Variants in MMRN1 observed in about 807,000 individuals in gnomAD.
MMRN1 encodes multimerin-1.
A neutral mutation model predicts 100.7 loss-of-function variants in MMRN1; 94 were observed. The ratio of observed to expected loss-of-function variants is 0.93; its 90% CI spans 0.79 to 1.11. MMRN1 has a LOEUF of 1.11. Among genes scored for constraint, MMRN1 ranks in the 50% least tolerant of loss-of-function variants. The probability of loss-of-function intolerance (pLI) is 0.00; values close to 1 mark genes in which losing one functional copy is unlikely to be tolerated. For synonymous variants in MMRN1, 575 were observed against 505.0 expected, an observed-to-expected ratio of 1.14 and a Z score of -1.86; for missense variants, 1,606 against 1,439.1, an observed-to-expected ratio of 1.12 and a Z score of -1.88.
At chr4:89,916,919 C>T (rs1469629983) in intron 3 of MMRN1, among the ~76,000 whole-genome samples, 1 of 151,720 alleles carries the variant, frequency 6.6e-6, no homozygotes, top group East Asian at 1.9e-4. Context: ...TCTTCATTTG[C>T]TTCCTTTCTA....
At chr4:89,881,379 C>T (rs1418639701) in intron 1 of MMRN1, among the ~76,000 whole-genome samples, 2 of 151,898 alleles carry the variant, frequency 1.3e-5, no homozygotes, top group African/African-American at 2.4e-5. Flanking sequence ...AGAATGTGGC[C>T]GTTTTCTAGT....
intron 6 of MMRN1, among the ~76,000 whole-genome samples, chr4:89,943,656 C>A (rs144919227): frequency 6.6e-6 from 1 of 152,238 alleles, no homozygotes; most frequent in East Asian, 1.9e-4. Context: ...GAAAGCAAGG[C>A]TCTGGCTCAG....
chr4:89,937,207 T>C (rs919146807), intron 6 of MMRN1, among the ~76,000 whole-genome samples: 1 of 152,112 alleles, frequency 6.6e-6, no homozygotes, highest in Non-Finnish European at 1.5e-5. Context: ...ACCTGTTGAA[T>C]GATCATCTGA....
chr4:89,947,624 A>G (rs1255181913), intron 6 of MMRN1, among the ~76,000 whole-genome samples: 1 of 152,156 alleles, frequency 6.6e-6, no homozygotes, highest in Non-Finnish European at 1.5e-5. Context: ...ACAACTTTGG[A>G]GCATCAGGCA....
At chr4:89,881,498 T>G (rs935576944) in intron 1 of MMRN1, among the ~76,000 whole-genome samples, 3 of 152,072 alleles carry the variant, frequency 2.0e-5, no homozygotes, top group Non-Finnish European at 4.4e-5. Context: ...TTGTATGAAT[T>G]CTAATGTGTG....
chr4:89,945,254 C>CT (rs1722952251), intron 6 of MMRN1, among the ~76,000 whole-genome samples: 1 of 151,984 alleles, frequency 6.6e-6, no homozygotes, highest in Non-Finnish European at 1.5e-5. Context: ...GTTGAAGGAT[C>CT]TTTTTTTGGT....
In MMRN1 at chr4:89,904,052, A is replaced by G. The variant is rs570177787; in HGVS notation, c.624-5224A>G. Among the ~76,000 whole-genome samples, 9 of 151,816 alleles carry G rather than the reference A, an allele frequency of 5.9e-5. No homozygotes were observed. The East Asian group carries it at 1.2e-3, about 20-fold the overall frequency. On this transcript the variant is annotated intron_variant, in intron 1 of 7. Coordinates refer to ENST00000264790, the MANE Select transcript of MMRN1 (RefSeq NM_007351.3). ...TTCTGATCTACGAGGTGAAAAAAGC[A>G]TGTATTGATGACAACTCTGATGTTG...
rs561324488 is a variant in MMRN1 at position 89,909,431 on chromosome 4, G to T, written c.743+36G>T. The stretch of plus-strand genomic sequence containing the variant: ...TTTCTTGAAAATAGCCACTGTTTTT[G>T]CACCATAATAAATTATAGCCGGGAA... On this transcript the variant is annotated intron_variant, in intron 2 of 7. Transcript: ENST00000264790. 1.2e-5 allele frequency: 20 copies of T among 1,603,428 alleles called. No individual in the cohort carries two copies. In the East Asian group the frequency reaches 4.1e-4, roughly 33 times the overall value.
intron 1 of MMRN1, among the ~76,000 whole-genome samples, chr4:89,885,253 G>A (rs987669950): frequency 1.3e-5 from 2 of 151,220 alleles, no homozygotes; most frequent in Non-Finnish European, 2.9e-5. Flanking sequence ...TGACTTCTGA[G>A]TGTAAATCAA....
chr4:89,951,236 A>G (rs1020231457), intron 6 of MMRN1, among the ~76,000 whole-genome samples: 2 of 152,166 alleles, frequency 1.3e-5, no homozygotes, highest in Non-Finnish European at 2.9e-5. Flanking sequence ...AGCACCATGT[A>G]TCGAACAGAT....
In MMRN1 at chr4:89,939,755, G is replaced by C. The variant is rs113264776; in HGVS notation, c.3118+2957G>C. On this transcript the variant is annotated intron_variant, in intron 6 of 7. Transcript: ENST00000264790. ...CATGCATCATATGTTCTTCAGTCTG[G>C]CCATATCTGAATATTCCATATGGCT... 5.3e-3 allele frequency among the ~76,000 whole-genome samples: 804 copies of C among 152,190 alleles called. 6 individuals carry two copies. The highest frequency in any genetic ancestry group is 0.019 in the African/African-American group (776 of 41,526).
chr4:89,953,054 C>A lies in MMRN1; in HGVS notation c.3323C>A (p.Thr1108Lys). The A allele has an allele frequency of 6.2e-7, 1 of 1,613,528 alleles. No homozygotes were observed. The change falls in exon 8 of 8, where the codon ACG (threonine) becomes AAG (lysine). Residue 1108 changes from threonine (T) to lysine (K), a missense_variant. Transcript: ENST00000264790. ...ATGGTGGCATTTTTTGCATCTCATA[C>A]GTATGGAATGACTATACCTGGTCCT... ...APMVAFFASH[T>K]YGMTIPGPIL...
At chr4:89,937,199 C>A (rs971935515) in intron 6 of MMRN1, among the ~76,000 whole-genome samples, 4 of 152,004 alleles carry the variant, frequency 2.6e-5, no homozygotes, top group African/African-American at 9.7e-5. Context: ...CAGTAAATAC[C>A]TGTTGAATGA....
rs776205569 is a variant in MMRN1 at position 89,909,395 on chromosome 4, G to C, written c.743G>C (p.Arg248Thr). The change falls in exon 2 of 8, where the codon AGA becomes ACA. Residue 248 changes from arginine to threonine, a missense_variant and splice_region_variant. Coordinates refer to ENST00000264790, the MANE Select transcript of MMRN1 (RefSeq NM_007351.3). ...TGGACCGGTGGATCCTGTCCTCAGAGGTATGTAATATTTCTTGAAAATAGC... is the reference window on the plus strand; with the variant it reads ...TGGACCGGTGGATCCTGTCCTCAGACGTATGTAATATTTCTTGAAAATAGC... Reference protein sequence around the residue: ...CGWTGGSCPQRSQKISNPVYR... With the variant: ...CGWTGGSCPQTSQKISNPVYR... The C allele has an allele frequency of 1.4e-5, 23 of 1,608,342 alleles. No individual in the cohort carries two copies. The highest frequency in any genetic ancestry group is 2.0e-5 in the Non-Finnish European group (23 of 1,176,940).
In MMRN1 at chr4:89,934,943, A is replaced by C. The variant is rs377260990; in HGVS notation, c.1263A>C (p.Glu421Asp). The change falls in exon 6 of 8, where the codon GAA becomes GAC. Residue 421 changes from glutamate (E) to aspartate (D), a missense_variant. By Grantham distance (45) the Glu-to-Asp change is conservative (BLOSUM62 2). Transcript: ENST00000264790. ...KTVSSLSEDLESTRQIIQKVN... is the reference protein window; with the variant it reads ...KTVSSLSEDLDSTRQIIQKVN... ...TATCAAGTCTATCAGAGGACCTCGAAAGCACCAGGCAAATAATTCAAAAAG... is the reference window on the plus strand; with the variant it reads ...TATCAAGTCTATCAGAGGACCTCGACAGCACCAGGCAAATAATTCAAAAAG... 1.9e-6 allele frequency: 3 copies of C among 1,613,758 alleles called. No homozygotes were observed. The highest frequency in any genetic ancestry group is 2.5e-6 in the Non-Finnish European group (3 of 1,179,792).
At chr4:89,908,804 A>G (rs967761362) in intron 1 of MMRN1, among the ~76,000 whole-genome samples, 3 of 151,318 alleles carry the variant, frequency 2.0e-5, no homozygotes, top group Non-Finnish European at 4.4e-5. Flanking sequence ...ACCATTTTGC[A>G]TTTTGTTTGG....
Position 89,953,153 on chromosome 4 carries a change from A to G in MMRN1, c.3422A>G (p.Tyr1141Cys). The G allele has an allele frequency of 1.9e-6, 3 of 1,613,838 alleles. No homozygotes were observed. The highest frequency in any genetic ancestry group is 1.1e-5 in the South Asian group (1 of 91,078). Residue 1141 changes from tyrosine to cysteine, a missense_variant, in exon 8 of 8, where the codon TAT becomes TGT. Coordinates refer to ENST00000264790, the MANE Select transcript of MMRN1 (RefSeq NM_007351.3). ...TPRTGKFRIP[Y>C]LGVYVFKYTI... ...AGAACTGGAAAATTTAGAATTCCGT[A>G]TCTTGGAGTATATGTTTTCAAGTAC...
intron 1 of MMRN1, 90 bp from the exon 2 acceptor site, chr4:89,909,186 A>T: frequency 7.1e-7 from 1 of 1,412,066 alleles, no homozygotes; most frequent in Non-Finnish European, 9.7e-7. Context: ...TAGTATGGCA[A>T]AAATAAATGT....
chr4:89,943,833 T>C (rs1438544137), intron 6 of MMRN1, among the ~76,000 whole-genome samples: 1 of 151,928 alleles, frequency 6.6e-6, no homozygotes, highest in Non-Finnish European at 1.5e-5. Context: ...CTAATAAAAA[T>C]ACAAAAATTA....
Sources: allele counts gnomAD v4.1 joint callset (sites outside exome capture counted in the v4.1 genomes callset), GRCh38; gene constraint gnomAD v4.1.1; transcripts MANE v1.5; gene names NCBI Gene and HGNC (gene_info 2026-07-23, HGNC 2026-07-21).